PGR: variants seen among roughly 807,000 people sequenced by gnomAD.
PGR encodes nuclear receptor subfamily 3 group C member 3.
A neutral mutation model predicts 76.1 loss-of-function variants in PGR; 25 were observed. The ratio of observed to expected loss-of-function variants is 0.33; its 90% CI spans 0.24 to 0.46. PGR has a LOEUF of 0.46. PGR is among the 20% of genes least tolerant of loss of function. The pLI is 1.00. For synonymous variants in PGR, 579 were observed against 535.0 expected (o/e 1.08, Z -1.14); for missense variants, 1,172 against 1,225.3 (o/e 0.96, Z 0.65).
At chr11:101,116,994 C>T (rs560316569) in intron 2 of PGR, among the ~76,000 whole-genome samples, 78 of 152,166 alleles carry the variant, frequency 5.1e-4, no homozygotes, top group Admixed American at 2.4e-3. Flanking sequence ...CCACAATTTG[C>T]TAATCTCTTT....
At chr11:101,103,371 C>A (rs1315388962) in intron 2 of PGR, among the ~76,000 whole-genome samples, 1 of 151,970 alleles carries the variant, frequency 6.6e-6, no homozygotes, top group Non-Finnish European at 1.5e-5. Flanking sequence ...CAGGTGTGAG[C>A]ATCTGAGACC....
chr11:101,128,374 C>A lies in PGR; in HGVS notation c.697G>T (p.Ala233Ser), dbSNP rs746812024. ...GGTTTGCCCTTCAGAAGCGGACCCGCAGACTCCTCGGACTCAGAGCCATCC... is the reference window on the plus strand; with the variant it reads ...GGTTTGCCCTTCAGAAGCGGACCCGAAGACTCCTCGGACTCAGAGCCATCC... ...EEDGSESEESAGPLLKGKPRA... is the reference protein window; with the variant it reads ...EEDGSESEESSGPLLKGKPRA... The change falls in exon 1 of 8, where the codon GCG becomes TCG. Residue 233 changes from alanine to serine, a missense_variant. Ala to Ser is a moderately conservative substitution (Grantham distance 99). This residue lies in a region of PGR where 893 missense variants were observed against 785.9 expected (regional missense o/e 1.14). Transcript: ENST00000325455. 1.9e-6 allele frequency: 3 copies of A among 1,607,526 alleles called. No homozygotes were observed. The highest frequency in any genetic ancestry group is 8.5e-7 in the Non-Finnish European group (1 of 1,179,710).
At chr11:101,045,321 T>G (rs1393545746) in intron 6 of PGR, among the ~76,000 whole-genome samples, 1 of 152,134 alleles carries the variant, frequency 6.6e-6, no homozygotes, top group Non-Finnish European at 1.5e-5. Flanking sequence ...TTATTAAATT[T>G]GTATAAATTT....
At chr11:101,088,896 GC>G (rs1295005769) in intron 3 of PGR, among the ~76,000 whole-genome samples, 19 of 152,190 alleles carry the variant, frequency 1.2e-4, no homozygotes, top group Non-Finnish European at 1.2e-4. Flanking sequence ...CATGGATGTA[GC>G]TGTAGGCCAA....
At chr11:101,059,764 G>C (rs1860415155) in intron 4 of PGR, among the ~76,000 whole-genome samples, 1 of 144,150 alleles carries the variant, frequency 6.9e-6, no homozygotes, top group Admixed American at 7.4e-5. Context: ...GATAACTTGA[G>C]ACCAAGAGGT....
In PGR at chr11:101,033,108, T is replaced by G. The variant is rs1048546561; in HGVS notation, c.*6008A>C. 4.9e-6 allele frequency: 1 copy of G among 205,692 alleles called. No homozygotes were observed. Among genetic ancestry groups the G allele is most frequent in the African/African-American group, 2.3e-5 (1 of 43,844 alleles). The allele number at this position is 205,692 out of a possible 1,614,324, so 12.7% of individuals were successfully genotyped here. A position where few individuals can be genotyped will look rare whatever the true frequency, so the allele number is the denominator to read the frequency against. ...TTTGTGCTGATTTTTCTTATAAACA[T>G]GCACAACTCAGAAAAGTTAAAATAC... On this transcript the variant is annotated 3_prime_UTR_variant, in exon 8 of 8. Transcript: ENST00000325455.
intron 7 of PGR, 167 bp downstream of exon 7, chr11:101,041,778 T>C: frequency 1.7e-6 from 1 of 589,368 alleles, no homozygotes; most frequent in Non-Finnish European, 2.9e-6. Context: ...ATATTGAAAA[T>C]GAAAAAAAAA....
In PGR at chr11:101,051,600, T is replaced by C. The variant is rs549895897; in HGVS notation, c.2213-32A>G. ...AACAAATTTAAAAATACAGTGACCATAAAAATGACTGAATTATCTCAAAAA... is the reference window on the plus strand; with the variant it reads ...AACAAATTTAAAAATACAGTGACCACAAAAATGACTGAATTATCTCAAAAA... On this transcript the variant is annotated intron_variant, in intron 4 of 7. Coordinates refer to ENST00000325455, the MANE Select transcript of PGR (RefSeq NM_000926.4). 1.2e-5 allele frequency: 18 copies of C among 1,489,180 alleles called. No homozygotes were observed. The African/African-American group carries it at 1.2e-4, about 10-fold the overall frequency. 92.2% of individuals were successfully genotyped at this position (1,489,180 alleles called of 1,614,324 possible). A position where few individuals can be genotyped will look rare whatever the true frequency, so the allele number is the denominator to read the frequency against.
intron 5 of PGR, among the ~76,000 whole-genome samples, chr11:101,050,518 T>C (rs1020429434): frequency 1.3e-5 from 2 of 152,086 alleles, no homozygotes; most frequent in African/African-American, 2.4e-5. Flanking sequence ...TTTTAAACTT[T>C]TCTAGGGAAA....
At chr11:101,044,700 C>CTTTT (rs34361620) in intron 6 of PGR, among the ~76,000 whole-genome samples, 11 of 75,882 alleles carry the variant, frequency 1.4e-4, no homozygotes, top group African/African-American at 2.8e-4. Flanking sequence ...GGCCTAATTG[C>CTTTT]TTTTTTTTTT....
chr11:101,091,192 G>A (rs1861664245), intron 3 of PGR, among the ~76,000 whole-genome samples: 1 of 152,116 alleles, frequency 6.6e-6, no homozygotes, highest in South Asian at 2.1e-4. Flanking sequence ...TTTTTTAAAT[G>A]TGTGCTATAT....
chr11:101,065,460 A>C (rs1405912342), intron 3 of PGR, among the ~76,000 whole-genome samples: 7 of 152,196 alleles, frequency 4.6e-5, no homozygotes, highest in African/African-American at 1.7e-4. Flanking sequence ...GTAACAAATA[A>C]ATCTGTAGAA....
chr11:101,128,816 G>A lies in PGR; in HGVS notation c.255C>T (p.Gly85=), dbSNP rs755235781. 4.3e-6 allele frequency: 7 copies of A among 1,614,060 alleles called. No individual in the cohort carries two copies. The highest frequency in any genetic ancestry group is 1.7e-5 in the Admixed American group (1 of 60,012). ...TTGTAGCTTCAGCTCTGGAATATGC[G>A]CCCTCCACGTCCGACAGCGACTGCT... ...QDQQSLSDVE[G]AYSRAEATRG... The change falls in exon 1 of 8, where the codon GGC becomes GGT. Residue 85 remains glycine (G), a synonymous_variant. Transcript: ENST00000325455.
chr11:101,102,305 G>A (rs757130311), intron 2 of PGR, among the ~76,000 whole-genome samples: 1 of 152,210 alleles, frequency 6.6e-6, no homozygotes, highest in African/African-American at 2.4e-5. Flanking sequence ...TATTGTGGTT[G>A]TAATGGAAGA....
intron 2 of PGR, among the ~76,000 whole-genome samples, chr11:101,107,408 A>G (rs1862200012): frequency 6.6e-6 from 1 of 152,212 alleles, no homozygotes; most frequent in African/African-American, 2.4e-5. Flanking sequence ...CTTCTAACTT[A>G]TAAAACGTGA....
chr11:101,078,496 C>T (rs1344233127), intron 3 of PGR, among the ~76,000 whole-genome samples: 1 of 151,962 alleles, frequency 6.6e-6, no homozygotes, highest in Non-Finnish European at 1.5e-5. Context: ...AAAATGTTTT[C>T]TAGAAGAAAG....
chr11:101,059,842 C>CAA (rs781123527), intron 4 of PGR, among the ~76,000 whole-genome samples: 11,553 of 62,066 alleles, frequency 0.19, 1,132 homozygotes, highest in East Asian at 0.61. Flanking sequence ...GACCCTCTCT[C>CAA]AAAAAAAAAA....
At chr11:101,053,380 C>A (rs1477534522) in intron 4 of PGR, among the ~76,000 whole-genome samples, 1 of 152,174 alleles carries the variant, frequency 6.6e-6, no homozygotes, top group Non-Finnish European at 1.5e-5. Flanking sequence ...TCTTAGAACT[C>A]CTTAGCCTCA....
At position 101,042,118 on chromosome 11, in the gene PGR, T is replaced by C. The variant is rs1332988419; in HGVS notation, c.2489-16A>G. The C allele has an allele frequency of 1.2e-6, 2 of 1,612,480 alleles. No individual in the cohort carries two copies. Among genetic ancestry groups the C allele is most frequent in the African/African-American group, 1.3e-5 (1 of 74,846 alleles). On this transcript the variant is annotated splice_polypyrimidine_tract_variant and intron_variant, in intron 6 of 7. Transcript: ENST00000325455. ...TCCAAAGGAACTGTTAAGAAGACAA[T>C]TAAAAGTGGCAGTTGTGTATAAAAA...
Sources: gnomAD v4.1 joint callset for allele counts (sites outside exome capture counted in the v4.1 genomes callset) on GRCh38, gnomAD v4.1.1 for gene constraint, gnomAD v4.1.1 regional missense constraint, MANE v1.5 for transcripts, NCBI Gene and HGNC (gene_info 2026-07-23, HGNC 2026-07-21) for gene names.